GLB1: variants seen among roughly 807,000 people sequenced by gnomAD.
GLB1 encodes the protein beta-galactosidase.
In GLB1, 56 loss-of-function variants were observed where a neutral mutation model predicts 74.0. The observed-to-expected ratio is 0.76, with a 90% CI of 0.61 to 0.94. The LOEUF (loss-of-function observed/expected upper bound fraction) is 0.94, where lower values mean the gene tolerates loss of function less well. Among genes scored for constraint, GLB1 ranks in the 40% least tolerant of loss-of-function variants. The pLI is 0.00. For missense variants in GLB1, 787 were observed against 845.5 expected, an observed-to-expected ratio of 0.93 and a Z score of 0.86; for synonymous variants, 323 against 323.6, an observed-to-expected ratio of 1.00 and a Z score of 0.02.
intron 15 of GLB1, among the ~76,000 whole-genome samples, chr3:33,003,385 A>G (rs1696656226): frequency 6.6e-6 from 1 of 152,330 alleles, no homozygotes; most frequent in Non-Finnish European, 1.5e-5. Flanking sequence ...CTACTGCCTC[A>G]TGTCATATTT....
intron 9 of GLB1, among the ~76,000 whole-genome samples, chr3:33,047,955 A>G (rs1037587137): frequency 1.5e-5 from 2 of 132,978 alleles, no homozygotes; most frequent in Admixed American, 7.3e-5. Context: ...AGACACAAAG[A>G]AAAAAAAAAA....
chr3:33,049,301 CTT>C (rs1292782030), intron 9 of GLB1, among the ~76,000 whole-genome samples: 1 of 151,746 alleles, frequency 6.6e-6, no homozygotes, highest in East Asian at 1.9e-4. Context: ...TTATCTTTTC[CTT>C]TTTTTTAATT....
At chr3:32,974,428 C>CATCAAT in the GLB1 span, among the ~76,000 whole-genome samples, 1 of 152,182 alleles carries the variant, frequency 6.6e-6, no homozygotes, top group Non-Finnish European at 1.5e-5. Flanking sequence ...CCCATATCCA[C>CATCAAT]ATCTATATCT....
chr3:33,008,708 T>C lies in GLB1; in HGVS notation c.1734+5348A>G, dbSNP rs1696884529. On this transcript the variant is annotated intron_variant, in intron 15 of 15. Coordinates refer to ENST00000307363, the MANE Select transcript of GLB1 (RefSeq NM_000404.4). ...TGAGAAGTCCCTTAGCTGTGCTCAG[T>C]GACTGGTGAACCAGCAGAGACACCA... Among the ~76,000 whole-genome samples the C allele has an allele frequency of 2.0e-5, 3 of 152,082 alleles. 1 individual carries two copies. Among genetic ancestry groups the C allele is most frequent in the Non-Finnish European group, 4.4e-5 (3 of 68,014 alleles).
At chr3:33,091,988 G>A (rs1021371959) in intron 1 of GLB1, 2 of 983,360 alleles carry the variant, frequency 2.0e-6, no homozygotes, top group African/African-American at 1.7e-5. Flanking sequence ...CATACTGCCT[G>A]TGCCCTATCT....
intron 15 of GLB1, 51 bp downstream of exon 15, chr3:33,014,005 A>G: frequency 6.2e-7 from 1 of 1,613,882 alleles, no homozygotes; most frequent in Non-Finnish European, 8.5e-7. Context: ...TCAGACACTA[A>G]CAACCAAAAG....
Position 33,024,279 on chromosome 3 carries a change from A to G in GLB1, c.1115T>C (p.Phe372Ser). 6.2e-7 allele frequency: 1 copy of G among 1,613,300 alleles called. No individual in the cohort carries two copies. Among genetic ancestry groups the G allele is most frequent in the Non-Finnish European group, 8.5e-7 (1 of 1,179,948 alleles). The change falls in exon 11 of 16, where the codon TTT becomes TCT. Residue 372 changes from phenylalanine to serine, a missense_variant. Coordinates refer to ENST00000307363, the MANE Select transcript of GLB1 (RefSeq NM_000404.4). ...EGPIPPSTPK[F>S]AYGKVTLEKL... is the part of the protein sequence containing the mutation. ...TTCCAAAGTGACCTTTCCATATGCA[A>G]ACTTTGGTGTAGATGGAGGGATAGG...
chr3:33,068,134 G>A (rs530114926), intron 4 of GLB1, 96 bp downstream of exon 4: 27 of 1,563,772 alleles, frequency 1.7e-5, no homozygotes, highest in Admixed American at 6.7e-5. Flanking sequence ...TAATCCACCC[G>A]CCTCAGCCTC....
intron 10 of GLB1, among the ~76,000 whole-genome samples, chr3:33,027,446 G>A (rs114839986): frequency 0.065 from 9,881 of 152,302 alleles, 452 homozygotes; most frequent in Non-Finnish European, 0.1. Context: ...CGAACCCAGT[G>A]GGCCCGAGCA....
chr3:33,013,201 C>T (rs1697099152), intron 15 of GLB1, among the ~76,000 whole-genome samples: 1 of 152,216 alleles, frequency 6.6e-6, no homozygotes, highest in African/African-American at 2.4e-5. Flanking sequence ...CTAATTCTTA[C>T]TCATCCTTCA....
At chr3:33,067,623 T>C (rs1699738968) in intron 4 of GLB1, among the ~76,000 whole-genome samples, 1 of 152,168 alleles carries the variant, frequency 6.6e-6, no homozygotes, top group Non-Finnish European at 1.5e-5. Context: ...CTGTGGAATA[T>C]GCTAAGTAAA....
At chr3:32,979,102 G>T in the GLB1 span, among the ~76,000 whole-genome samples, 24 of 151,684 alleles carry the variant, frequency 1.6e-4, no homozygotes, top group Non-Finnish European at 3.1e-4. Context: ...TCAGCCTCCC[G>T]AGTAGCTGGG....
At chr3:33,065,337 T>C in intron 5 of GLB1, 126 bp downstream of exon 5, 4 of 1,271,056 alleles carry the variant, frequency 3.1e-6, no homozygotes, top group Non-Finnish European at 3.3e-6. Flanking sequence ...AAAAGCACTA[T>C]CTGTGGCATT....
intron 14 of GLB1, among the ~76,000 whole-genome samples, chr3:33,016,004 AAT>A (rs1697224250): frequency 6.6e-6 from 1 of 152,154 alleles, no homozygotes; most frequent in Non-Finnish European, 1.5e-5. Flanking sequence ...ATGCTCTAAA[AAT>A]ATGTGTTAGA....
chr3:32,990,721 C>A, the GLB1 span, among the ~76,000 whole-genome samples: 2 of 152,240 alleles, frequency 1.3e-5, no homozygotes, highest in East Asian at 3.9e-4. Flanking sequence ...CGCCTGTAAT[C>A]CCAGCACTTT....
At chr3:33,011,522 G>A (rs1356055163) in intron 15 of GLB1, among the ~76,000 whole-genome samples, 1 of 150,134 alleles carries the variant, frequency 6.7e-6, no homozygotes, top group Non-Finnish European at 1.5e-5. Context: ...GTGTGTGCCT[G>A]TAGTCCCCGC....
intron 15 of GLB1, among the ~76,000 whole-genome samples, chr3:32,997,943 G>A (rs139668670): frequency 6.6e-5 from 10 of 152,212 alleles, no homozygotes; most frequent in Admixed American, 1.3e-4. Context: ...AAGAGGGATA[G>A]GGGGGTTTGG....
At chr3:32,966,719 C>T in the GLB1 span, among the ~76,000 whole-genome samples, 9 of 152,152 alleles carry the variant, frequency 5.9e-5, no homozygotes, top group Admixed American at 2.6e-4. Flanking sequence ...CTCCCATAAT[C>T]CCCATGTGTC....
At chr3:33,011,434 G>A (rs1369299589) in intron 15 of GLB1, among the ~76,000 whole-genome samples, 10 of 145,502 alleles carry the variant, frequency 6.9e-5, no homozygotes, top group Non-Finnish European at 1.2e-4. Flanking sequence ...ATGAAACCCC[G>A]TCTCCAATAA....
Sources: gnomAD v4.1 joint callset for allele counts (sites outside exome capture counted in the v4.1 genomes callset) on GRCh38, gnomAD v4.1.1 for gene constraint, MANE v1.5 for transcripts, NCBI Gene and HGNC (gene_info 2026-07-23, HGNC 2026-07-21) for gene names.